The following RNF185 variants were observed in gnomAD, a reference collection of about 807,000 sequenced individuals.
RNF185 encodes E3 ubiquitin-protein ligase RNF185.
Under a neutral mutation model 24.9 loss-of-function variants are expected in RNF185, and 13 were observed. The ratio of observed to expected loss-of-function variants is 0.52; its 90% CI spans 0.34 to 0.83. RNF185 has a LOEUF of 0.83. Among genes scored for constraint, RNF185 ranks in the 40% least tolerant of loss-of-function variants. The pLI, the probability that RNF185 is intolerant of heterozygous loss-of-function variation, is 0.01. For synonymous variants in RNF185, 79 were observed against 90.3 expected, an observed-to-expected ratio of 0.88 and a Z score of 0.71; for missense variants, 184 against 244.7, an observed-to-expected ratio of 0.75 and a Z score of 1.65.
At chr22:31,204,440 C>A in intron 6 of RNF185, 49 bp from the exon 7 acceptor site, 1 of 1,169,100 alleles carries the variant, frequency 8.6e-7, no homozygotes, top group Non-Finnish European at 1.3e-6. Flanking sequence ...GGGCAGTGTG[C>A]ATAGCTGCAG....
intron 1 of RNF185, among the ~76,000 whole-genome samples, chr22:31,170,928 C>T (rs1310349156): frequency 6.6e-6 from 1 of 152,082 alleles, no homozygotes; most frequent in East Asian, 1.9e-4. Flanking sequence ...TCCTGAGTAG[C>T]TGGCATGTTC....
chr22:31,204,556 G>A lies in RNF185; in HGVS notation c.549G>A (p.Leu183=). 3.7e-6 allele frequency: 6 copies of A among 1,602,506 alleles called. No individual in the cohort carries two copies. Among genetic ancestry groups the A allele is most frequent in the Non-Finnish European group, 5.1e-6 (6 of 1,169,654 alleles). Residue 183 remains leucine, a synonymous_variant, in exon 7 of 7, where the codon CTG becomes CTA. Coordinates refer to ENST00000326132, the MANE Select transcript of RNF185 (RefSeq NM_152267.4). ...FLSRLFLFVA[L]VIMFWLLIA ...CACGCCTCTTCCTATTTGTGGCCCT[G>A]GTGATCATGTTCTGGCTCCTGATTG...
chr22:31,185,998 A>G (rs1295381150), intron 1 of RNF185, among the ~76,000 whole-genome samples: 1 of 152,208 alleles, frequency 6.6e-6, no homozygotes, highest in African/African-American at 2.4e-5. Flanking sequence ...AGATTGTCCA[A>G]AACATAGTAT....
rs118153223 is a variant in RNF185, at chr22:31,192,690, G to A, written c.183G>A (p.Pro61=). 1.5e-3 allele frequency: 2,438 copies of A among 1,613,726 alleles called. 29 individuals carry two copies. In the Admixed American group the frequency reaches 0.026, roughly 17 times the overall value. Residue 61 remains proline (P), a synonymous_variant, in exon 3 of 7, where the codon CCG becomes CCA. Transcript: ENST00000326132. Reference sequence around the variant, plus strand: ...GCCCTGGGGACTCTGGCAGTTGGCCGTGTTTACATCAGGTAAGATGCATTT... The same window carrying A: ...GCCCTGGGGACTCTGGCAGTTGGCCATGTTTACATCAGGTAAGATGCATTT... The part of the protein sequence containing the change: ...ISLCGHLFCW[P]CLHQWLETRP...
intron 2 of RNF185, among the ~76,000 whole-genome samples, chr22:31,188,520 CAT>C (rs2048121542): frequency 6.6e-6 from 1 of 152,100 alleles, no homozygotes; most frequent in Non-Finnish European, 1.5e-5. Flanking sequence ...TCACATATAA[CAT>C]AAAAAATGTG....
At chr22:31,192,002 A>G (rs1266404354) in intron 2 of RNF185, among the ~76,000 whole-genome samples, 1 of 151,058 alleles carries the variant, frequency 6.6e-6, no homozygotes, top group Non-Finnish European at 1.5e-5. Context: ...TGGTTTCCTC[A>G]TTTGAAAATG....
chr22:31,194,074 T>C (rs562288200), intron 3 of RNF185, among the ~76,000 whole-genome samples: 1 of 151,510 alleles, frequency 6.6e-6, no homozygotes, highest in Admixed American at 6.6e-5. Flanking sequence ...TTTGTCTTTT[T>C]AGTAGAGACA....
At chr22:31,183,739 T>A (rs1317082255) in intron 1 of RNF185, among the ~76,000 whole-genome samples, 1 of 152,222 alleles carries the variant, frequency 6.6e-6, no homozygotes, top group African/African-American at 2.4e-5. Context: ...GGCAGAAGAA[T>A]TTTTCCTAGT....
At chr22:31,180,770 A>G (rs1452360096) in intron 1 of RNF185, among the ~76,000 whole-genome samples, 1 of 152,196 alleles carries the variant, frequency 6.6e-6, no homozygotes, top group Non-Finnish European at 1.5e-5. Flanking sequence ...CTTTTTAAAA[A>G]TGTTCTTGTG....
At chr22:31,200,846 C>A (rs757687694) in intron 5 of RNF185, among the ~76,000 whole-genome samples, 2 of 152,170 alleles carry the variant, frequency 1.3e-5, no homozygotes, top group African/African-American at 4.8e-5. Flanking sequence ...TGTAAAAATT[C>A]TATGTAACAG....
chr22:31,163,192 A>G (rs1216625825), intron 1 of RNF185, among the ~76,000 whole-genome samples: 1 of 152,200 alleles, frequency 6.6e-6, no homozygotes, highest in Non-Finnish European at 1.5e-5. Flanking sequence ...ATATATTTAC[A>G]TATTGTCTTT....
intron 1 of RNF185, among the ~76,000 whole-genome samples, chr22:31,180,971 CTGTG>C (rs1340077130): frequency 1.4e-5 from 2 of 140,682 alleles, no homozygotes; most frequent in South Asian, 2.3e-4. Context: ...GCCTGTCTGT[CTGTG>C]TATGGATCCA....
intron 2 of RNF185, among the ~76,000 whole-genome samples, chr22:31,190,178 G>A (rs548584245): frequency 1.3e-5 from 2 of 152,136 alleles, no homozygotes; most frequent in African/African-American, 2.4e-5. Flanking sequence ...ATCCAACAGC[G>A]GTTCCATAAG....
chr22:31,180,973 G>A (rs1018910176), intron 1 of RNF185, among the ~76,000 whole-genome samples: 3 of 150,864 alleles, frequency 2.0e-5, no homozygotes, highest in Non-Finnish European at 3.0e-5. Context: ...CTGTCTGTCT[G>A]TGTATGGATC....
rs1460310629 is a variant in RNF185, at chr22:31,192,773, A to G, written c.195+71A>G. 3 of 1,445,138 alleles carry G rather than the reference A, an allele frequency of 2.1e-6. No individual in the cohort carries two copies. The African/African-American group carries it at 4.2e-5, about 20-fold the overall frequency. The allele number at this position is 1,445,138 out of a possible 1,614,324, so 89.5% of individuals were successfully genotyped here. A position where few individuals can be genotyped will look rare whatever the true frequency, so the allele number is the denominator to read the frequency against. ...CACAAGAGAGCCCTAGTCTCAGGAGACTGCTTTCAGAAGCTGCAATCTGCC... is the reference window on the plus strand; with the variant it reads ...CACAAGAGAGCCCTAGTCTCAGGAGGCTGCTTTCAGAAGCTGCAATCTGCC... On this transcript the variant is annotated intron_variant, in intron 3 of 6. Transcript: ENST00000326132.
At chr22:31,181,836 A>G (rs1323861656) in intron 1 of RNF185, among the ~76,000 whole-genome samples, 1 of 143,878 alleles carries the variant, frequency 7.0e-6, no homozygotes, top group East Asian at 2.6e-4. Flanking sequence ...GGGGAACATC[A>G]CACACCTGGG....
intron 1 of RNF185, among the ~76,000 whole-genome samples, chr22:31,164,676 TC>T (rs1466584890): frequency 8.4e-6 from 1 of 119,112 alleles, no homozygotes; most frequent in Non-Finnish European, 1.7e-5. Flanking sequence ...GCAACCCCCC[TC>T]CCGGGTTCAA....
At chr22:31,182,597 G>A (rs570204203) in intron 1 of RNF185, among the ~76,000 whole-genome samples, 53 of 152,256 alleles carry the variant, frequency 3.5e-4, no homozygotes, top group African/African-American at 1.2e-3. Flanking sequence ...ACCATGCCCA[G>A]CCAACAATAA....
chr22:31,184,535 A>G lies in RNF185; in HGVS notation c.-48-2512A>G, dbSNP rs545154802. On this transcript the variant is annotated intron_variant, in intron 1 of 6. Coordinates refer to ENST00000326132, the MANE Select transcript of RNF185 (RefSeq NM_152267.4). The stretch of plus-strand genomic sequence containing the variant: ...GGGTGGCGGCCGGGCAGAGGCTGCA[A>G]TCTCGGCACTTTGGGAGGCCAAGGC... Among the ~76,000 whole-genome samples the G allele has an allele frequency of 2.7e-3, 409 of 152,176 alleles. 2 individuals are homozygous for G. Among genetic ancestry groups the G allele is most frequent in the African/African-American group, 9.6e-3 (397 of 41,522 alleles).
Sources: gnomAD v4.1 joint callset for allele counts (sites outside exome capture counted in the v4.1 genomes callset) on GRCh38, gnomAD v4.1.1 for gene constraint, MANE v1.5 for transcripts, NCBI Gene and HGNC (gene_info 2026-07-23, HGNC 2026-07-21) for gene names.